The following AIG1 variants were observed in gnomAD, a reference collection of about 807,000 sequenced individuals.
The protein encoded by AIG1 is androgen induced 1.
A neutral mutation model predicts 31.4 loss-of-function variants in AIG1; 23 were observed. The ratio of observed to expected loss-of-function variants is 0.73; its 90% confidence interval spans 0.53 to 1.04. The LOEUF (loss-of-function observed/expected upper bound fraction) is 1.04, where lower values mean the gene tolerates loss of function less well. AIG1 is among the 50% of genes least tolerant of loss of function. AIG1 has a pLI of 0.00. For missense variants in AIG1, 274 were observed against 295.0 expected (o/e 0.93, Z 0.52); for synonymous variants, 100 against 110.5 (o/e 0.90, Z 0.60).
At chr6:143,140,737 A>G (rs1426850787) in intron 2 of AIG1, among the ~76,000 whole-genome samples, 1 of 152,256 alleles carries the variant, frequency 6.6e-6, no homozygotes, top group Non-Finnish European at 1.5e-5. Flanking sequence ...AATCTGTAGC[A>G]TAAAAATGCT....
chr6:143,260,109 C>T (rs1373643183), intron 3 of AIG1, among the ~76,000 whole-genome samples: 4 of 150,074 alleles, frequency 2.7e-5, no homozygotes, highest in Non-Finnish European at 4.4e-5. Context: ...CTGCAAGCTC[C>T]GCCTCCTGGA....
intron 1 of AIG1, among the ~76,000 whole-genome samples, chr6:143,097,754 T>C (rs530682025): frequency 6.6e-6 from 1 of 152,346 alleles, no homozygotes; most frequent in Non-Finnish European, 1.5e-5. Context: ...CATGGTGACC[T>C]TGCTGCTTGT....
chr6:143,176,531 G>C (rs1251727213), intron 3 of AIG1, among the ~76,000 whole-genome samples: 2 of 151,828 alleles, frequency 1.3e-5, no homozygotes, highest in Non-Finnish European at 2.9e-5. Context: ...CAGCTGCTGT[G>C]GGAGATTGGG....
intron 3 of AIG1, among the ~76,000 whole-genome samples, chr6:143,253,813 C>T (rs1014985096): frequency 1.1e-4 from 16 of 152,188 alleles, no homozygotes; most frequent in South Asian, 2.1e-4. Context: ...TCCCCTATCA[C>T]GAAGTTACTG....
chr6:143,140,807 T>A (rs988911982), intron 2 of AIG1, among the ~76,000 whole-genome samples: 2 of 152,216 alleles, frequency 1.3e-5, no homozygotes, highest in African/African-American at 4.8e-5. Flanking sequence ...ATCACTTTGG[T>A]GGACACAGTC....
chr6:143,220,585 A>C (rs1365225202), intron 3 of AIG1, among the ~76,000 whole-genome samples: 2 of 152,262 alleles, frequency 1.3e-5, no homozygotes, highest in African/African-American at 4.8e-5. Flanking sequence ...CTCAAGTTTG[A>C]CCTAAGAGCA....
chr6:143,146,539 C>T (rs955662379), intron 2 of AIG1, among the ~76,000 whole-genome samples: 2 of 151,732 alleles, frequency 1.3e-5, no homozygotes, highest in Non-Finnish European at 2.9e-5. Context: ...TCTGCCTCAC[C>T]CTCTTCTCTC....
chr6:143,157,008 T>C (rs2128554330), intron 2 of AIG1, among the ~76,000 whole-genome samples: 1 of 152,350 alleles, frequency 6.6e-6, no homozygotes, highest in Admixed American at 6.5e-5. Context: ...AGCACTACAG[T>C]ATCCATTACA....
chr6:143,336,950 C>T (rs1777536903), intron 5 of AIG1, among the ~76,000 whole-genome samples: 1 of 152,158 alleles, frequency 6.6e-6, no homozygotes, highest in Non-Finnish European at 1.5e-5. Flanking sequence ...ATCATGGTTC[C>T]CAAGCAAGTC....
chr6:143,131,043 T>C (rs1286175665), intron 1 of AIG1, among the ~76,000 whole-genome samples: 1 of 152,232 alleles, frequency 6.6e-6, no homozygotes, highest in Non-Finnish European at 1.5e-5. Context: ...CATTTACTTT[T>C]AACCAACGTT....
chr6:143,160,455 C>T (rs9403452), intron 2 of AIG1, among the ~76,000 whole-genome samples: 60,059 of 151,978 alleles, frequency 0.4, 12,854 homozygotes, highest in Non-Finnish European at 0.48. Flanking sequence ...GACTAGCTGT[C>T]ACTCAAGTAT....
chr6:143,086,910 C>T (rs73777871), intron 1 of AIG1, among the ~76,000 whole-genome samples: 16,418 of 152,134 alleles, frequency 0.11, 2,809 homozygotes, highest in African/African-American at 0.37. Flanking sequence ...GAGTTCAGGA[C>T]GACAGCTCTC....
intron 3 of AIG1, among the ~76,000 whole-genome samples, chr6:143,207,206 T>TG (rs1203892138): frequency 6.6e-6 from 1 of 152,174 alleles, no homozygotes; most frequent in Admixed American, 6.6e-5. Flanking sequence ...TTCCATTCCA[T>TG]GAGTGTCTTG....
At chr6:143,294,090 A>G (rs995880940) in intron 4 of AIG1, among the ~76,000 whole-genome samples, 7 of 152,246 alleles carry the variant, frequency 4.6e-5, no homozygotes, top group African/African-American at 1.2e-4. Flanking sequence ...AAGGGCCTCT[A>G]TGTTTTTCAG....
intron 1 of AIG1, among the ~76,000 whole-genome samples, chr6:143,105,836 A>T (rs1158846561): frequency 6.6e-6 from 1 of 152,240 alleles, no homozygotes; most frequent in Non-Finnish European, 1.5e-5. Context: ...CAATGGGCAG[A>T]TGGCAGAATC....
At position 143,060,973 on chromosome 6, in the gene AIG1, T is replaced by C. The variant is rs1053192; in HGVS notation, c.48T>C (p.Ser16=). Residue 16 remains serine (S), a synonymous_variant, in exon 1 of 6, where the codon TCT becomes TCC. Coordinates refer to ENST00000357847, the MANE Select transcript of AIG1 (RefSeq NM_016108.4). ...CQVLRMAILL[S]YCSILCNYKA... is the part of the protein sequence containing the mutation. ...TGCTGCGGATGGCAATCCTGCTGTCTTACTGCTCTATCCTGTGTAACTACA... is the reference window on the plus strand; with the variant it reads ...TGCTGCGGATGGCAATCCTGCTGTCCTACTGCTCTATCCTGTGTAACTACA... The C allele has an allele frequency of 0.14, 232,545 of 1,612,562 alleles. 23,119 individuals are homozygous for C. The highest frequency in any genetic ancestry group is 0.44 in the East Asian group (19,571 of 44,804).
In AIG1 at chr6:143,299,175, G is replaced by C. The variant is rs1798653068; in HGVS notation, c.515+14950G>C. On this transcript the variant is annotated intron_variant, in intron 4 of 5. Transcript: ENST00000357847. This position sits in a 1 kb window ranked among gnomAD's most constrained non-coding sequence, Gnocchi z 4.1. ...GAGCTTAGTGGTCTTCTCCAGGGTA[G>C]ATGGTAAGCAATGGTAGCTCCTGTT... The C allele has an allele frequency of 6.6e-6, 1 of 152,204 alleles. No individual in the cohort carries two copies. Among genetic ancestry groups the C allele is most frequent in the Non-Finnish European group, 1.5e-5 (1 of 68,058 alleles). 9.4% of individuals were successfully genotyped at this position (152,204 alleles called of 1,614,324 possible).
intron 4 of AIG1, among the ~76,000 whole-genome samples, chr6:143,304,553 G>A (rs1312530105): frequency 6.6e-6 from 1 of 152,128 alleles, no homozygotes; most frequent in African/African-American, 2.4e-5. Context: ...TATTGAACCA[G>A]CCTTGCATCC....
At chr6:143,162,961 A>T (rs1786539937) in intron 2 of AIG1, among the ~76,000 whole-genome samples, 1 of 152,136 alleles carries the variant, frequency 6.6e-6, no homozygotes, top group Non-Finnish European at 1.5e-5. Context: ...GGAAGGGAGG[A>T]GGCTCAAGGT....
Sources: gnomAD v4.1 joint callset for allele counts (sites outside exome capture counted in the v4.1 genomes callset) on GRCh38, gnomAD v4.1.1 for gene constraint, Gnocchi (gnomAD v3.1) non-coding constraint, MANE v1.5 for transcripts, NCBI Gene and HGNC (gene_info 2026-07-23, HGNC 2026-07-21) for gene names.